Variants in STX18 observed in about 807,000 individuals in gnomAD.
STX18 encodes syntaxin 18.
STX18 carries 40 observed loss-of-function variants against 50.1 expected under a neutral mutation model. The observed-to-expected ratio is 0.80, with a 90% CI of 0.62 to 1.04. STX18 has a LOEUF of 1.04. Among genes scored for constraint, STX18 ranks in the 50% least tolerant of loss-of-function variants. The pLI is 0.00. For synonymous variants in STX18, 158 were observed against 151.8 expected, an observed-to-expected ratio of 1.04 and a Z score of -0.30; for missense variants, 410 against 415.8, an observed-to-expected ratio of 0.99 and a Z score of 0.12.
intron 5 of STX18, among the ~76,000 whole-genome samples, chr4:4,456,676 A>C (rs1727095056): frequency 6.6e-6 from 1 of 152,204 alleles, no homozygotes; most frequent in African/African-American, 2.4e-5. Flanking sequence ...GCATCGAGCA[A>C]GTCTGTCACA....
chr4:4,529,641 C>T (rs1218028702), intron 1 of STX18, among the ~76,000 whole-genome samples: 1 of 152,228 alleles, frequency 6.6e-6, no homozygotes, highest in Non-Finnish European at 1.5e-5. Context: ...AGGCAGCAGG[C>T]AACCGGAGAA....
intron 7 of STX18, among the ~76,000 whole-genome samples, chr4:4,432,879 G>A (rs1408814656): frequency 6.6e-6 from 1 of 152,262 alleles, no homozygotes; most frequent in Non-Finnish European, 1.5e-5. Flanking sequence ...CACGAGAGCA[G>A]ACATGTGGAC....
In STX18 at chr4:4,420,346, A is replaced by G. The variant is rs1724867890; in HGVS notation, c.913-217T>C. ...TTGGCCATCATTTGGGTCCTGCACA[A>G]TTCTCCCTCAACACAACTCTCGGAA... is the stretch of plus-strand genomic sequence containing the variant. On this transcript the variant is annotated intron_variant, in intron 10 of 10. Transcript: ENST00000306200. This position sits in a 1 kb window ranked among gnomAD's most constrained non-coding sequence, Gnocchi z 4.3. The G allele has an allele frequency of 5.6e-6, 3 of 537,658 alleles. No homozygotes were observed. Among genetic ancestry groups the G allele is most frequent in the South Asian group, 2.2e-5 (1 of 45,088 alleles). The allele number at this position is 537,658 out of a possible 1,614,324, so 33.3% of individuals were successfully genotyped here.
chr4:4,534,899 C>T (rs1475069746), intron 1 of STX18, among the ~76,000 whole-genome samples: 1 of 152,226 alleles, frequency 6.6e-6, no homozygotes, highest in Non-Finnish European at 1.5e-5. Context: ...GGCAGTGGGC[C>T]GGATTTGGCC....
intron 1 of STX18, among the ~76,000 whole-genome samples, chr4:4,520,883 A>C (rs573680483): frequency 3.9e-5 from 6 of 152,350 alleles, no homozygotes; most frequent in Non-Finnish European, 8.8e-5. Flanking sequence ...AGATGTCCAC[A>C]TGTTTAAGAC....
At chr4:4,542,222 G>A, upstream of STX18, 1 of 425,602 alleles carries the variant, frequency 2.3e-6, no homozygotes. Context: ...AAAGCTTGGA[G>A]GGTTTAGCTG....
chr4:4,532,110 T>C (rs918092123), intron 1 of STX18, among the ~76,000 whole-genome samples: 5 of 152,350 alleles, frequency 3.3e-5, no homozygotes, highest in African/African-American at 1.2e-4. Flanking sequence ...AATACTGTTA[T>C]GTAACCCCTC....
chr4:4,423,014 A>C (rs1453103896), intron 9 of STX18, among the ~76,000 whole-genome samples: 1 of 152,200 alleles, frequency 6.6e-6, no homozygotes, highest in Non-Finnish European at 1.5e-5. Flanking sequence ...CCACGCAGAC[A>C]CCATCCCTGA....
At chr4:4,531,606 G>A (rs1481404978) in intron 1 of STX18, among the ~76,000 whole-genome samples, 5 of 152,126 alleles carry the variant, frequency 3.3e-5, no homozygotes, top group African/African-American at 2.4e-5. Flanking sequence ...GCCTTGTTAC[G>A]CTGGTTTCCT....
chr4:4,457,216 T>TA lies in STX18; in HGVS notation c.471dup (p.Lys158Ter). The TA allele has an allele frequency of 6.2e-7, 1 of 1,614,148 alleles. No individual in the cohort carries two copies. The highest frequency in any genetic ancestry group is 8.5e-7 in the Non-Finnish European group (1 of 1,179,988). On this transcript the variant is annotated frameshift_variant, in exon 5 of 11. Transcript: ENST00000306200. LOFTEE classifies it high-confidence loss of function. ...AATCTTTTCTTATCCACCACTCTTTTAACTCGGATGGCTCTCTGTTCTGAG... is the reference window on the plus strand; with the variant it reads ...AATCTTTTCTTATCCACCACTCTTTTAAACTCGGATGGCTCTCTGTTCTGAG...
intron 5 of STX18, among the ~76,000 whole-genome samples, chr4:4,444,823 T>A (rs1457058188): frequency 1.3e-5 from 2 of 150,700 alleles, no homozygotes; most frequent in Admixed American, 6.6e-5. Flanking sequence ...GAAAACAAAC[T>A]AACAAACAAA....
rs1025134503 is a variant in STX18 at position 4,425,337 on chromosome 4, G to A, written c.703-115C>T. On this transcript the variant is annotated intron_variant, in intron 7 of 10. Transcript: ENST00000306200. ...TGCCGAAGCCCCCATTTCCAGCTGCGGCAACGTGGCAGCCGGTGCTGGACG... is the reference window on the plus strand; with the variant it reads ...TGCCGAAGCCCCCATTTCCAGCTGCAGCAACGTGGCAGCCGGTGCTGGACG... 2.0e-4 allele frequency: 181 copies of A among 894,474 alleles called. No homozygotes were observed. In the African/African-American group the frequency reaches 2.6e-3, roughly 13 times the overall value. 55.4% of individuals were successfully genotyped at this position (894,474 alleles called of 1,614,324 possible).
rs1253706857 is a variant in STX18 at position 4,476,419 on chromosome 4, A to G, written c.169-4713T>C. 2.6e-5 allele frequency among the ~76,000 whole-genome samples: 4 copies of G among 152,356 alleles called. No individual in the cohort carries two copies. In the East Asian group the frequency reaches 7.7e-4, roughly 29 times the overall value. On this transcript the variant is annotated intron_variant, in intron 1 of 10. Transcript: ENST00000306200. ...GAAACAGATATTCTTAGTGGAAAGA[A>G]ACCAAAGCTCAAGACTGACTGAGCT...
chr4:4,434,963 G>T, intron 6 of STX18, 105 bp from the exon 7 acceptor site: 1 of 737,352 alleles, frequency 1.4e-6, no homozygotes, highest in Non-Finnish European at 2.2e-6. Flanking sequence ...GAATCTTACA[G>T]CTTTGTCTAT....
intron 1 of STX18, chr4:4,507,871 G>A (rs776752889): frequency 2.1e-5 from 12 of 576,100 alleles, no homozygotes; most frequent in South Asian, 4.4e-5. Context: ...AAAAATATAC[G>A]AGTTTCCTAG....
chr4:4,499,863 C>CTT (rs11404477), intron 1 of STX18, among the ~76,000 whole-genome samples: 58 of 148,156 alleles, frequency 3.9e-4, no homozygotes, highest in Admixed American at 2.9e-3. Context: ...TTCAAATCGA[C>CTT]TTTTTTTTTT....
At chr4:4,501,578 G>A (rs775251232) in intron 1 of STX18, among the ~76,000 whole-genome samples, 28 of 152,272 alleles carry the variant, frequency 1.8e-4, no homozygotes, top group African/African-American at 4.3e-4. Context: ...ACTGTTTTGC[G>A]TTCTAACATT....
At chr4:4,456,052 G>A (rs939190823) in intron 5 of STX18, among the ~76,000 whole-genome samples, 2 of 152,020 alleles carry the variant, frequency 1.3e-5, no homozygotes, top group African/African-American at 4.8e-5. Flanking sequence ...GGGAGGCAGG[G>A]GGATTGCCTG....
intron 1 of STX18, among the ~76,000 whole-genome samples, chr4:4,501,529 T>A (rs1317039588): frequency 6.6e-6 from 1 of 152,228 alleles, no homozygotes; most frequent in Non-Finnish European, 1.5e-5. Flanking sequence ...AGTTTCCTCA[T>A]CTGGAAAATG....
Sources: gnomAD v4.1 joint callset for allele counts (sites outside exome capture counted in the v4.1 genomes callset) on GRCh38, gnomAD v4.1.1 for gene constraint, Gnocchi (gnomAD v3.1) non-coding constraint, MANE v1.5 for transcripts, NCBI Gene and HGNC (gene_info 2026-07-23, HGNC 2026-07-21) for gene names.